STMN2: variants seen among roughly 807,000 people sequenced by gnomAD.
STMN2 encodes the protein stathmin 2.
STMN2 carries 2 observed loss-of-function variants against 24.1 expected under a neutral mutation model. The ratio of observed to expected loss-of-function variants is 0.08; its 90% CI spans 0.03 to 0.26. STMN2 has a LOEUF of 0.26. Ranked by LOEUF, STMN2 falls within the 10% of genes least tolerant of loss-of-function variation. The pLI, the probability that STMN2 is intolerant of heterozygous loss-of-function variation, is 1.00. For missense variants in STMN2, 114 were observed against 213.6 expected (o/e 0.53, Z 2.91); for synonymous variants, 83 against 77.5 (o/e 1.07, Z -0.37).
chr8:79,631,338 T>C lies in STMN2; in HGVS notation c.20-5464T>C, dbSNP rs549555720. ...AAATGTCCCTTTATTTCATTTGATA[T>C]CCATTCCCATAGAAAAACTATAATG... On this transcript the variant is annotated intron_variant, in intron 1 of 4. Coordinates refer to ENST00000220876, the MANE Select transcript of STMN2 (RefSeq NM_007029.4). 23 of 644,162 alleles carry C rather than the reference T, an allele frequency of 3.6e-5. No individual in the cohort carries two copies. In the South Asian group the frequency reaches 1.5e-3, roughly 43 times the overall value. The allele number at this position is 644,162 out of a possible 1,614,324, so 39.9% of individuals were successfully genotyped here.
At chr8:79,648,319 AG>A (rs1369959625) in intron 3 of STMN2, among the ~76,000 whole-genome samples, 4 of 152,222 alleles carry the variant, frequency 2.6e-5, no homozygotes, top group African/African-American at 7.2e-5. Context: ...GCATGGTAAA[AG>A]GGTTAGCAAT....
intron 4 of STMN2, among the ~76,000 whole-genome samples, chr8:79,658,264 C>CCACT (rs1806419563): frequency 6.6e-6 from 1 of 152,014 alleles, no homozygotes; most frequent in Admixed American, 6.6e-5. Flanking sequence ...AAATATTGTG[C>CCACT]CACTGCACTC....
At position 79,663,262 on chromosome 8, in the gene STMN2, T is replaced by C. The variant is rs565833775; in HGVS notation, c.481-1553T>C. On this transcript the variant is annotated intron_variant, in intron 4 of 4. Coordinates refer to ENST00000220876, the MANE Select transcript of STMN2 (RefSeq NM_007029.4). ...TTCTCCTCACTCAACATTGAAATTG[T>C]ATAGCAGTGATTAAGAGAGTGAGCT... Among the ~76,000 whole-genome samples, 4 of 152,234 alleles carry C rather than the reference T, an allele frequency of 2.6e-5. No homozygotes were observed. In the South Asian group the frequency reaches 8.3e-4, roughly 32 times the overall value.
chr8:79,651,256 C>T (rs1384398721), intron 3 of STMN2, among the ~76,000 whole-genome samples: 1 of 152,200 alleles, frequency 6.6e-6, no homozygotes, highest in Non-Finnish European at 1.5e-5. Context: ...ACACTCTGTA[C>T]TGCCTTCTGT....
At chr8:79,655,436 G>T (rs1806321196) in intron 4 of STMN2, among the ~76,000 whole-genome samples, 2 of 151,750 alleles carry the variant, frequency 1.3e-5, no homozygotes, top group African/African-American at 4.8e-5. Flanking sequence ...AATAACATTT[G>T]ATTTAATATT....
At chr8:79,620,818 C>T (rs1809499090) in intron 1 of STMN2, 2 of 190,214 alleles carry the variant, frequency 1.1e-5, no homozygotes, top group African/African-American at 2.4e-5. Context: ...GAATCAGCAG[C>T]GTTTGAGGAG....
intron 1 of STMN2, among the ~76,000 whole-genome samples, chr8:79,620,467 C>T (rs898903707): frequency 1.3e-5 from 2 of 151,882 alleles, no homozygotes; most frequent in Non-Finnish European, 2.9e-5. Flanking sequence ...TGTTCTGAAG[C>T]CTGTGCCAGG....
At chr8:79,654,733 T>G (rs1585908802) in intron 3 of STMN2, 138 bp from the exon 4 acceptor site, 1 of 934,372 alleles carries the variant, frequency 1.1e-6, no homozygotes, top group East Asian at 2.7e-5. Flanking sequence ...GCCATGCAGA[T>G]GAGTACAGAC....
chr8:79,618,842 A>G (rs747117324), intron 1 of STMN2, among the ~76,000 whole-genome samples: 1 of 152,192 alleles, frequency 6.6e-6, no homozygotes, highest in Non-Finnish European at 1.5e-5. Context: ...TTCTTTAGGA[A>G]TTGTACTTAG....
chr8:79,628,310 C>T (rs60553499), intron 1 of STMN2, among the ~76,000 whole-genome samples: 2,696 of 152,014 alleles, frequency 0.018, 82 homozygotes, highest in African/African-American at 0.062. Context: ...ATTACAGGCA[C>T]GCACCACCAT....
chr8:79,615,288 T>C (rs1809357691), intron 1 of STMN2, among the ~76,000 whole-genome samples: 1 of 152,194 alleles, frequency 6.6e-6, no homozygotes, highest in Non-Finnish European at 1.5e-5. Flanking sequence ...CAGGCTACCT[T>C]GGTAGCTCAT....
intron 3 of STMN2, 117 bp downstream of exon 3, chr8:79,641,667 C>G: frequency 1.3e-6 from 1 of 776,196 alleles, no homozygotes; most frequent in Admixed American, 2.9e-5. Context: ...CACACACACA[C>G]ACACATACAG....
chr8:79,656,250 G>C (rs1414706668), intron 4 of STMN2, among the ~76,000 whole-genome samples: 1 of 152,206 alleles, frequency 6.6e-6, no homozygotes, highest in East Asian at 1.9e-4. Flanking sequence ...GGGCTCTGAT[G>C]CAGCAGTAAG....
chr8:79,629,643 C>T (rs1809751778), intron 1 of STMN2, among the ~76,000 whole-genome samples: 1 of 152,156 alleles, frequency 6.6e-6, no homozygotes, highest in African/African-American at 2.4e-5. Flanking sequence ...AATTTTGGCT[C>T]CTACATGCAG....
chr8:79,641,159 A>G (rs1188732592), intron 2 of STMN2, among the ~76,000 whole-genome samples: 3 of 152,216 alleles, frequency 2.0e-5, no homozygotes, highest in Non-Finnish European at 2.9e-5. Context: ...ATTTCTCAAT[A>G]TGGTAAATAT....
Position 79,636,900 on chromosome 8 carries a change from G to A in STMN2, c.115+3G>A, listed in dbSNP as rs1316171334. On this transcript the variant is annotated splice_donor_region_variant and intron_variant, in intron 2 of 4. Coordinates refer to ENST00000220876, the MANE Select transcript of STMN2 (RefSeq NM_007029.4). ...CATCAACATCTATACTTACGATGGT[G>A]AGTAACCTAGGATAGACATACCCCT... 4.3e-6 allele frequency: 7 copies of A among 1,612,842 alleles called. No homozygotes were observed. The Admixed American group carries it at 1.0e-4, about 23-fold the overall frequency.
intron 1 of STMN2, among the ~76,000 whole-genome samples, chr8:79,616,063 G>A (rs1809375464): frequency 6.6e-6 from 1 of 152,192 alleles, no homozygotes; most frequent in South Asian, 2.1e-4. Context: ...GAGCACATCT[G>A]AATATCAGAG....
chr8:79,631,364 C>T (rs1809798673), intron 1 of STMN2: 4 of 882,770 alleles, frequency 4.5e-6, no homozygotes, highest in Non-Finnish European at 5.4e-6. Context: ...AACTATAATG[C>T]TTTGGTTGGT....
intron 1 of STMN2, among the ~76,000 whole-genome samples, chr8:79,630,604 T>C (rs981832809): frequency 6.6e-6 from 1 of 152,218 alleles, no homozygotes; most frequent in African/African-American, 2.4e-5. Flanking sequence ...CTTTCTACTC[T>C]TCAGCCAAGA....
Sources: gnomAD v4.1 joint callset for allele counts (sites outside exome capture counted in the v4.1 genomes callset) on GRCh38, gnomAD v4.1.1 for gene constraint, MANE v1.5 for transcripts, NCBI Gene and HGNC (gene_info 2026-07-23, HGNC 2026-07-21) for gene names.